Variants in ANKFN1 observed in about 807,000 individuals in gnomAD.
ANKFN1 encodes ankyrin repeat and fibronectin type III domain containing 1.
ANKFN1 carries 74 observed loss-of-function variants against 108.7 expected under a neutral mutation model. The ratio of observed to expected loss-of-function variants is 0.68; its 90% CI spans 0.56 to 0.83. The LOEUF (loss-of-function observed/expected upper bound fraction) is 0.83, where lower values mean the gene tolerates loss of function less well. Among genes scored for constraint, ANKFN1 ranks in the 40% least tolerant of loss-of-function variants. The pLI is 0.00. For synonymous variants in ANKFN1, 547 were observed against 516.2 expected, an observed-to-expected ratio of 1.06 and a Z score of -0.81; for missense variants, 1,505 against 1,382.3, an observed-to-expected ratio of 1.09 and a Z score of -1.41.
chr17:56,052,745 G>C (rs1176953492), intron 4 of ANKFN1, among the ~76,000 whole-genome samples: 1 of 152,128 alleles, frequency 6.6e-6, no homozygotes, highest in African/African-American at 2.4e-5. Flanking sequence ...ACAACCCTAT[G>C]TGGTGTGCAC....
At chr17:56,221,774 A>T (rs1915910655) in intron 2 of ANKFN1, among the ~76,000 whole-genome samples, 1 of 152,222 alleles carries the variant, frequency 6.6e-6, no homozygotes, top group Non-Finnish European at 1.5e-5. Context: ...GGAGTCCCCA[A>T]CACCCTGGCT....
At chr17:56,210,465 T>C (rs954390901) in intron 1 of ANKFN1, among the ~76,000 whole-genome samples, 2 of 152,246 alleles carry the variant, frequency 1.3e-5, no homozygotes, top group African/African-American at 4.8e-5. Flanking sequence ...ATTGTGGTTT[T>C]GATTTACATT....
intron 4 of ANKFN1, among the ~76,000 whole-genome samples, chr17:56,102,359 A>G (rs958671724): frequency 1.3e-5 from 2 of 152,220 alleles, no homozygotes; most frequent in African/African-American, 4.8e-5. Context: ...AGACTACATC[A>G]TAGTACTTAA....
Position 56,094,266 on chromosome 17 carries a change from C to A in ANKFN1, c.288+47941C>A, listed in dbSNP as rs146296723. On this transcript the variant is annotated intron_variant, in intron 4 of 12. Coordinates refer to the ANKFN1 transcript ENST00000635860. ...CACTTTGTGGTATTTTTGATGGCAA[C>A]CCTAGGAAACTAATGCAGACACAAG... 1.3e-4 allele frequency among the ~76,000 whole-genome samples: 19 copies of A among 150,902 alleles called. No individual in the cohort carries two copies. In the East Asian group the frequency reaches 3.7e-3, roughly 29 times the overall value.
At chr17:56,177,337 A>G (rs1016676782) in intron 1 of ANKFN1, among the ~76,000 whole-genome samples, 3 of 152,186 alleles carry the variant, frequency 2.0e-5, no homozygotes, top group Non-Finnish European at 4.4e-5. Context: ...CCAACAACAC[A>G]GATGGAATTT....
At chr17:56,060,292 C>T (rs149732855) in intron 4 of ANKFN1, among the ~76,000 whole-genome samples, 236 of 152,250 alleles carry the variant, frequency 1.6e-3, no homozygotes, top group Middle Eastern at 3.4e-3. Context: ...TATCCTGTGA[C>T]TTTGCTGAAA....
rs1367696385 is a variant in ANKFN1, at chr17:56,440,393, C to G, written c.977C>G (p.Thr326Ser). The G allele has an allele frequency of 6.2e-7, 1 of 1,612,504 alleles. No individual in the cohort carries two copies. The highest frequency in any genetic ancestry group is 1.1e-5 in the South Asian group (1 of 90,874). ...AGEIIMDNLQ[T>S]LRCTITGLTM... ...GAAATCATCATGGATAATCTGCAGACTCTGAGATGCACAATCACAGGACTT... is the reference window on the plus strand; with the variant it reads ...GAAATCATCATGGATAATCTGCAGAGTCTGAGATGCACAATCACAGGACTT... The change falls in exon 9 of 21, where the codon ACT becomes AGT. Residue 326 changes from threonine to serine, a missense_variant. By Grantham distance (58) the Thr-to-Ser change is moderately conservative. Coordinates refer to ENST00000682825, the MANE Select transcript of ANKFN1 (RefSeq NM_001370326.1).
intron 4 of ANKFN1, among the ~76,000 whole-genome samples, chr17:56,114,060 C>T (rs1161119794): frequency 1.3e-5 from 2 of 152,182 alleles, no homozygotes; most frequent in African/African-American, 4.8e-5. Context: ...GATTATACAG[C>T]TACCCAAGCA....
At chr17:56,258,836 G>T (rs1206770020) in intron 3 of ANKFN1, among the ~76,000 whole-genome samples, 1 of 152,090 alleles carries the variant, frequency 6.6e-6, no homozygotes, top group East Asian at 1.9e-4. Flanking sequence ...GCGTGAACCC[G>T]GGAGGCGGAG....
At chr17:56,303,083 C>A (rs144413679) in intron 3 of ANKFN1, among the ~76,000 whole-genome samples, 1 of 152,158 alleles carries the variant, frequency 6.6e-6, no homozygotes, top group Non-Finnish European at 1.5e-5. Flanking sequence ...TGGCTTCCAC[C>A]AAGGGATGTT....
At chr17:56,181,963 A>G (rs1911719875) in intron 1 of ANKFN1, among the ~76,000 whole-genome samples, 1 of 152,046 alleles carries the variant, frequency 6.6e-6, no homozygotes, top group South Asian at 2.1e-4. Context: ...TGTTGTGGTG[A>G]TTTATGATCA....
intron 4 of ANKFN1, among the ~76,000 whole-genome samples, chr17:56,327,518 G>T (rs1217170434): frequency 2.6e-5 from 4 of 152,132 alleles, no homozygotes; most frequent in Admixed American, 1.3e-4. Flanking sequence ...TGGAGAGATG[G>T]GTGAAGTTTT....
At chr17:56,131,486 A>T (rs1907280790) in intron 4 of ANKFN1, among the ~76,000 whole-genome samples, 1 of 152,226 alleles carries the variant, frequency 6.6e-6, no homozygotes, top group Admixed American at 6.5e-5. Flanking sequence ...AAAAATAAAA[A>T]ATCTCTGACT....
intron 10 of ANKFN1, among the ~76,000 whole-genome samples, chr17:56,445,309 T>TCA (rs2049248168): frequency 6.6e-6 from 1 of 152,196 alleles, no homozygotes; most frequent in African/African-American, 2.4e-5. Context: ...CATTTGCTGA[T>TCA]AAAGATCAGA....
chr17:56,307,046 T>G (rs559012173), intron 3 of ANKFN1, among the ~76,000 whole-genome samples: 32 of 152,272 alleles, frequency 2.1e-4, no homozygotes, highest in African/African-American at 7.7e-4. Context: ...TGAAACTGGA[T>G]CCCTTCCTTA....
chr17:56,250,771 G>T (rs1476872303), intron 3 of ANKFN1, among the ~76,000 whole-genome samples: 1 of 152,012 alleles, frequency 6.6e-6, no homozygotes, highest in African/African-American at 2.4e-5. Context: ...AACTATCATT[G>T]ATTATCATCT....
chr17:56,372,800 T>A lies in ANKFN1; in HGVS notation c.756T>A (p.Tyr252Ter). The stretch of plus-strand genomic sequence containing the variant: ...AGCTGAAAGCTTGGGAGTGGAGGTA[T>A]CGGCTCTACAGACGCATGAAAACAG... The part of the protein sequence containing the change: ...EKQLKAWEWR[Y>*]RLYRRMKTGF... The change falls in exon 7 of 21, where the codon TAT (tyrosine) becomes TAA (stop). Residue 252 changes from tyrosine to a stop codon, truncating the protein, a stop_gained. Transcript: ENST00000682825. LOFTEE classifies it high-confidence loss of function. The A allele has an allele frequency of 6.2e-7, 1 of 1,613,986 alleles. No individual in the cohort carries two copies. Among genetic ancestry groups the A allele is most frequent in the Non-Finnish European group, 8.5e-7 (1 of 1,179,952 alleles).
chr17:56,061,642 C>T (rs1382880688), intron 4 of ANKFN1, among the ~76,000 whole-genome samples: 1 of 152,020 alleles, frequency 6.6e-6, no homozygotes, highest in Non-Finnish European at 1.5e-5. Context: ...GTATTTAATT[C>T]TTCTCTCTTT....
chr17:56,371,325 A>G (rs1420128993), intron 6 of ANKFN1, among the ~76,000 whole-genome samples: 1 of 152,216 alleles, frequency 6.6e-6, no homozygotes, highest in Non-Finnish European at 1.5e-5. Flanking sequence ...TCGTCTGTAA[A>G]TAAATTTAGA....
Sources: gnomAD v4.1 joint callset for allele counts (sites outside exome capture counted in the v4.1 genomes callset) on GRCh38, gnomAD v4.1.1 for gene constraint, MANE v1.5 for transcripts, NCBI Gene and HGNC (gene_info 2026-07-23, HGNC 2026-07-21) for gene names.